STPG2: variants seen among roughly 807,000 people sequenced by gnomAD.
The protein encoded by STPG2 is sperm-tail PG-rich repeat-containing protein 2.
In STPG2, 56 loss-of-function variants were observed where a neutral mutation model predicts 54.2. The observed-to-expected ratio is 1.03, with a 90% CI of 0.83 to 1.29. The LOEUF is 1.29. Ranked by LOEUF, STPG2 falls within the 50% of genes most tolerant of loss-of-function variation. The pLI, the probability that STPG2 is intolerant of heterozygous loss-of-function variation, is 0.00. For synonymous variants in STPG2, 200 were observed against 181.8 expected (o/e 1.10, Z -0.81); for missense variants, 596 against 544.9 (o/e 1.09, Z -0.93).
chr4:97,822,152 G>A (rs1241972237), intron 9 of STPG2, among the ~76,000 whole-genome samples: 1 of 152,138 alleles, frequency 6.6e-6, no homozygotes, highest in Non-Finnish European at 1.5e-5. Flanking sequence ...CTGAGCATAG[G>A]CTGTTAGAAG....
At chr4:97,687,416 T>A (rs138486662) in intron 10 of STPG2, among the ~76,000 whole-genome samples, 19 of 152,096 alleles carry the variant, frequency 1.2e-4, no homozygotes, top group Non-Finnish European at 4.4e-5. Context: ...CTCGGCTCAC[T>A]GCACCCTTTG....
At chr4:97,803,410 A>G (rs566362059) in intron 9 of STPG2, among the ~76,000 whole-genome samples, 1 of 152,330 alleles carries the variant, frequency 6.6e-6, no homozygotes, top group South Asian at 2.1e-4. Context: ...AAAAATCCCA[A>G]TAAAACATTA....
intron 4 of STPG2, among the ~76,000 whole-genome samples, chr4:97,468,628 A>G (rs1477645644): frequency 6.6e-6 from 1 of 152,022 alleles, no homozygotes; most frequent in African/African-American, 2.4e-5. Flanking sequence ...AACCAGTCCA[A>G]GCAGATTTTC....
intron 9 of STPG2, among the ~76,000 whole-genome samples, chr4:97,771,473 C>A (rs1261694057): frequency 1.3e-5 from 2 of 152,046 alleles, no homozygotes; most frequent in Non-Finnish European, 2.9e-5. Flanking sequence ...TTTGCCCAGA[C>A]CAGAGCTGGT....
chr4:97,901,923 T>A (rs191756694), intron 8 of STPG2, among the ~76,000 whole-genome samples: 280 of 151,998 alleles, frequency 1.8e-3, no homozygotes, highest in African/African-American at 6.6e-3. Flanking sequence ...TATAAAGCTA[T>A]AATAATCAAA....
At chr4:97,539,320 C>G (rs9714892) in intron 4 of STPG2, among the ~76,000 whole-genome samples, 1 of 151,906 alleles carries the variant, frequency 6.6e-6, no homozygotes, top group South Asian at 2.1e-4. Context: ...GAGACACAGA[C>G]AGGCTCAAAA....
intron 7 of STPG2, among the ~76,000 whole-genome samples, chr4:97,966,616 C>A (rs1270590258): frequency 6.6e-6 from 1 of 152,038 alleles, no homozygotes; most frequent in Non-Finnish European, 1.5e-5. Flanking sequence ...TTAAGGGCAG[C>A]CAGAGAGAAA....
intron 5 of STPG2, among the ~76,000 whole-genome samples, chr4:98,003,572 A>G (rs1735480324): frequency 6.6e-6 from 1 of 152,110 alleles, no homozygotes; most frequent in South Asian, 2.1e-4. Context: ...ACTCAGGATA[A>G]TAATATATGC....
At chr4:97,541,459 C>T (rs1731703819) in intron 4 of STPG2, among the ~76,000 whole-genome samples, 1 of 151,930 alleles carries the variant, frequency 6.6e-6, no homozygotes, top group African/African-American at 2.4e-5. Context: ...CACTGCTCAA[C>T]AAAATGAAAG....
chr4:97,908,715 G>A (rs1326720262), intron 8 of STPG2, among the ~76,000 whole-genome samples: 4 of 151,770 alleles, frequency 2.6e-5, no homozygotes, highest in Admixed American at 2.6e-4. Context: ...GTCCTTTGTA[G>A]GGACATGGAT....
At chr4:97,907,118 C>A (rs1315888663) in intron 8 of STPG2, among the ~76,000 whole-genome samples, 3 of 152,028 alleles carry the variant, frequency 2.0e-5, no homozygotes, top group Non-Finnish European at 4.4e-5. Context: ...CTAGGGAACC[C>A]CATTATCTCA....
chr4:98,138,819 T>G (rs747739858), intron 1 of STPG2, among the ~76,000 whole-genome samples: 3 of 151,940 alleles, frequency 2.0e-5, no homozygotes, highest in Non-Finnish European at 2.9e-5. Context: ...AAAAGAAATC[T>G]GGGAAAGAAT....
Position 97,929,788 on chromosome 4 carries a change from C to T in STPG2, c.1044+14109G>A, listed in dbSNP as rs142249568. ...TGCTGCATATTAGACCTTTGTCAGA[C>T]GGGTAGATTGCAATAATTCCCTCCC... On this transcript the variant is annotated intron_variant, in intron 8 of 10. Transcript: ENST00000295268. Among the ~76,000 whole-genome samples the T allele has an allele frequency of 8.4e-3, 1,272 of 152,240 alleles. 22 individuals carry two copies. Among genetic ancestry groups the T allele is most frequent in the Admixed American group, 0.016 (245 of 15,278 alleles).
At position 97,851,625 on chromosome 4, in the gene STPG2, T is replaced by C. The variant is rs1729159203; in HGVS notation, c.1045-10693A>G. On this transcript the variant is annotated intron_variant, in intron 8 of 10. Coordinates refer to ENST00000295268, the MANE Select transcript of STPG2 (RefSeq NM_174952.3). ...TAATAAAGGTGGATACAATTTATAA[T>C]CTCAGAAACGATATAGAAGTAGAAA... Among the ~76,000 whole-genome samples the C allele has an allele frequency of 2.0e-5, 3 of 152,210 alleles. No homozygotes were observed. In the South Asian group the frequency reaches 6.2e-4, roughly 32 times the overall value.
At chr4:97,592,172 T>A (rs1733161821) in intron 10 of STPG2, among the ~76,000 whole-genome samples, 1 of 152,050 alleles carries the variant, frequency 6.6e-6, no homozygotes, top group Non-Finnish European at 1.5e-5. Flanking sequence ...ATTGGTAAAA[T>A]TTTTTAATTA....
chr4:97,726,055 C>T (rs964858087), intron 9 of STPG2, among the ~76,000 whole-genome samples: 2 of 151,828 alleles, frequency 1.3e-5, no homozygotes, highest in Non-Finnish European at 2.9e-5. Flanking sequence ...CCTGCCACCA[C>T]CTCTATAAAA....
intron 9 of STPG2, among the ~76,000 whole-genome samples, chr4:97,730,950 C>T (rs1358553785): frequency 2.0e-5 from 3 of 152,136 alleles, no homozygotes. Context: ...TCAACTTTTT[C>T]CTGAATCTTG....
chr4:98,116,163 C>G (rs1399834545), intron 3 of STPG2, among the ~76,000 whole-genome samples: 3 of 151,236 alleles, frequency 2.0e-5, no homozygotes, highest in Non-Finnish European at 4.4e-5. Context: ...CTAAGTAATG[C>G]TTATTCATGT....
intron 10 of STPG2, among the ~76,000 whole-genome samples, chr4:97,706,974 G>T (rs1319017355): frequency 6.6e-6 from 1 of 152,132 alleles, no homozygotes; most frequent in African/African-American, 2.4e-5. Flanking sequence ...CAAAATGGTT[G>T]TATGTTTACC....
Sources: allele counts gnomAD v4.1 joint callset (sites outside exome capture counted in the v4.1 genomes callset), GRCh38; gene constraint gnomAD v4.1.1; transcripts MANE v1.5; gene names NCBI Gene and HGNC (gene_info 2026-07-23, HGNC 2026-07-21).